The following EPHA5 variants were observed in gnomAD, a reference collection of about 807,000 sequenced individuals.
EPHA5 encodes EPH receptor A5, also known as ephrin type-A receptor 5.
In EPHA5, 60 loss-of-function variants were observed where a neutral mutation model predicts 105.0. The ratio of observed to expected loss-of-function variants is 0.57; its 90% confidence interval spans 0.46 to 0.71. The LOEUF (loss-of-function observed/expected upper bound fraction) is 0.71, where lower values mean the gene tolerates loss of function less well. Among genes scored for constraint, EPHA5 ranks in the 30% least tolerant of loss-of-function variants. The pLI, the probability that EPHA5 is intolerant of heterozygous loss-of-function variation, is 0.00. For missense variants in EPHA5, 1,218 were observed against 1,274.7 expected (o/e 0.96, Z 0.68); for synonymous variants, 513 against 449.1 (o/e 1.14, Z -1.80).
chr4:65,462,184 C>A (rs534777692), intron 5 of EPHA5, among the ~76,000 whole-genome samples: 231 of 152,150 alleles, frequency 1.5e-3, no homozygotes, highest in African/African-American at 5.4e-3. Flanking sequence ...ACTTCTCAAG[C>A]CAAATTCTTT....
intron 5 of EPHA5, among the ~76,000 whole-genome samples, chr4:65,480,933 G>T (rs1049320549): frequency 1.1e-4 from 16 of 151,978 alleles, no homozygotes; most frequent in Admixed American, 8.5e-4. Flanking sequence ...TAAGGAAATG[G>T]GAATATAGGA....
At chr4:65,583,617 T>C (rs533482305) in intron 3 of EPHA5, among the ~76,000 whole-genome samples, 1 of 151,926 alleles carries the variant, frequency 6.6e-6, no homozygotes, top group Admixed American at 6.6e-5. Flanking sequence ...GCATATCGCC[T>C]ATGGTACTAA....
chr4:65,321,699 A>G lies in EPHA5; in HGVS notation c.*2415T>C, dbSNP rs1719652446. On this transcript the variant is annotated 3_prime_UTR_variant, in exon 17 of 17. Coordinates refer to ENST00000613740, the MANE Select transcript of EPHA5 (RefSeq NM_001281766.3). ...AATTAATTTATATTCTTCCTTTGTT[A>G]AAAAGAGAAAATCTATATTGCAACT... The G allele has an allele frequency of 4.4e-6, 1 of 228,736 alleles. No individual in the cohort carries two copies. The highest frequency in any genetic ancestry group is 1.8e-4 in the South Asian group (1 of 5,502). The allele number at this position is 228,736 out of a possible 1,614,324, so 14.2% of individuals were successfully genotyped here.
At chr4:65,457,062 A>C (rs1727669714) in intron 5 of EPHA5, among the ~76,000 whole-genome samples, 1 of 126,574 alleles carries the variant, frequency 7.9e-6, no homozygotes, top group African/African-American at 2.5e-5. Flanking sequence ...TTATACTTAA[A>C]AGCAGGAAAA....
rs779646040 is a variant in EPHA5 at position 65,336,025 on chromosome 4, T to A, written c.2696A>T (p.Asn899Ile). ...TATTTCATCAAACTTGGGCCTGCTA[T>A]TTCGCTCTTTCTGCCAGCAATCCAG... ...LMLDCWQKERNSRPKFDEIVN... is the reference protein window; with the variant it reads ...LMLDCWQKERISRPKFDEIVN... Residue 899 changes from asparagine to isoleucine, a missense_variant, in exon 15 of 17, where the codon AAT becomes ATT. Physicochemically the swap from Asn to Ile is moderately radical, Grantham distance 149. This residue lies in a region of EPHA5 where 971 missense variants were observed against 1,013.5 expected (regional missense o/e 0.96). Coordinates refer to ENST00000613740, the MANE Select transcript of EPHA5 (RefSeq NM_001281766.3). The A allele has an allele frequency of 2.5e-6, 4 of 1,613,322 alleles. No individual in the cohort carries two copies. In the East Asian group the frequency reaches 8.9e-5, roughly 36 times the overall value.
chr4:65,456,322 A>ATT (rs201174135), intron 5 of EPHA5, among the ~76,000 whole-genome samples: 36,420 of 147,598 alleles, frequency 0.25, 4,894 homozygotes, highest in Middle Eastern at 0.35. Context: ...CTGTTCTTCG[A>ATT]TTTTTTTTTT....
Position 65,321,599 on chromosome 4 carries a change from C to T in EPHA5, c.*2515G>A, listed in dbSNP as rs1018648158. On this transcript the variant is annotated 3_prime_UTR_variant, in exon 17 of 17. Coordinates refer to ENST00000613740, the MANE Select transcript of EPHA5 (RefSeq NM_001281766.3). ...TGAGATGCAAAAGAAAACTATGTGG[C>T]TATTTAACTTTCCTTTCAATTTACT... The T allele has an allele frequency of 4.4e-6, 1 of 229,066 alleles. No homozygotes were observed. The highest frequency in any genetic ancestry group is 5.7e-5 in the Admixed American group (1 of 17,552). 14.2% of individuals were successfully genotyped at this position (229,066 alleles called of 1,614,324 possible). A position where few individuals can be genotyped will look rare whatever the true frequency, so the allele number is the denominator to read the frequency against.
chr4:65,348,795 A>G (rs367981979), intron 13 of EPHA5, among the ~76,000 whole-genome samples: 550 of 23,012 alleles, frequency 0.024, 14 homozygotes, highest in African/African-American at 0.036. Flanking sequence ...GTGTGTGTGT[A>G]TATATATATA....
At chr4:65,487,835 C>G (rs1481203212) in intron 5 of EPHA5, among the ~76,000 whole-genome samples, 1 of 152,128 alleles carries the variant, frequency 6.6e-6, no homozygotes, top group African/African-American at 2.4e-5. Context: ...GTATTAAACT[C>G]TTTTTCTGTT....
chr4:65,498,933 A>G (rs1460117393), intron 3 of EPHA5, among the ~76,000 whole-genome samples: 9 of 151,340 alleles, frequency 5.9e-5, no homozygotes, highest in Admixed American at 1.3e-4. Flanking sequence ...CTGCTAGACA[A>G]ACTTATATTA....
intron 3 of EPHA5, among the ~76,000 whole-genome samples, chr4:65,508,912 A>G (rs995773626): frequency 6.6e-6 from 1 of 152,150 alleles, no homozygotes; most frequent in African/African-American, 2.4e-5. Flanking sequence ...AAATATAGAG[A>G]ACGCATTGGG....
chr4:65,487,707 C>T (rs1290659981), intron 5 of EPHA5, among the ~76,000 whole-genome samples: 1 of 152,130 alleles, frequency 6.6e-6, no homozygotes, highest in Non-Finnish European at 1.5e-5. Context: ...ATCAGCACTC[C>T]CCATTCCCTA....
chr4:65,517,161 T>C (rs1734188779), intron 3 of EPHA5, among the ~76,000 whole-genome samples: 1 of 152,032 alleles, frequency 6.6e-6, no homozygotes. Context: ...TGTACATATT[T>C]ATAATTGCTA....
intron 5 of EPHA5, among the ~76,000 whole-genome samples, chr4:65,479,436 G>A (rs532356544): frequency 2.6e-4 from 39 of 152,238 alleles, no homozygotes; most frequent in Middle Eastern, 3.4e-3. Flanking sequence ...CTGTTTAAAT[G>A]TATTTCTTCT....
intron 3 of EPHA5, among the ~76,000 whole-genome samples, chr4:65,516,427 G>T (rs1005252514): frequency 1.1e-5 from 1 of 91,126 alleles, no homozygotes; most frequent in African/African-American, 4.6e-5. Flanking sequence ...ATGAAGAGGA[G>T]GAAGAGGAGG....
At chr4:65,529,216 A>G (rs1435185042) in intron 3 of EPHA5, among the ~76,000 whole-genome samples, 1 of 152,158 alleles carries the variant, frequency 6.6e-6, no homozygotes, top group Non-Finnish European at 1.5e-5. Context: ...ATACAAGCAC[A>G]TTTGCAAAAA....
intron 2 of EPHA5, among the ~76,000 whole-genome samples, chr4:65,639,264 G>GA (rs1747427920): frequency 6.6e-6 from 1 of 152,154 alleles, no homozygotes; most frequent in Admixed American, 6.5e-5. Flanking sequence ...ATTTCCAGTA[G>GA]TAAAAATATT....
chr4:65,656,670 G>A (rs1324658664), intron 1 of EPHA5, among the ~76,000 whole-genome samples: 1 of 149,830 alleles, frequency 6.7e-6, no homozygotes, highest in Non-Finnish European at 1.5e-5. Context: ...CTGAAGTGAA[G>A]AGGAGTGATC....
intron 5 of EPHA5, among the ~76,000 whole-genome samples, chr4:65,480,868 T>TTAATAA (rs36050106): frequency 0.21 from 31,174 of 149,416 alleles, 4,019 homozygotes; most frequent in Middle Eastern, 0.36. Context: ...AATACAAACA[T>TTAATAA]TAATAATAAT....
Sources: allele counts gnomAD v4.1 joint callset (sites outside exome capture counted in the v4.1 genomes callset), GRCh38; gene constraint gnomAD v4.1.1; regional missense constraint gnomAD v4.1.1; transcripts MANE v1.5; gene names NCBI Gene and HGNC (gene_info 2026-07-23, HGNC 2026-07-21).